Variants in DLC1 observed in about 807,000 individuals in gnomAD.
The protein encoded by DLC1 is DLC1 Rho GTPase activating protein, also known as rho GTPase-activating protein 7.
DLC1 carries 54 observed loss-of-function variants against 140.3 expected under a neutral mutation model. That is an observed-to-expected ratio of 0.38 (90% CI 0.31 to 0.48). DLC1 has a LOEUF of 0.48. DLC1 is among the 20% of genes least tolerant of loss of function. The probability of loss-of-function intolerance (pLI) is 0.96; values close to 1 mark genes in which losing one functional copy is unlikely to be tolerated. For synonymous variants in DLC1, 986 were observed against 728.1 expected (o/e 1.35, Z -5.70); for missense variants, 2,536 against 1,907.0 (o/e 1.33, Z -6.14).
At chr8:13,327,208 C>T (rs1031118291) in intron 4 of DLC1, among the ~76,000 whole-genome samples, 2 of 143,364 alleles carry the variant, frequency 1.4e-5, no homozygotes, top group African/African-American at 5.2e-5. Flanking sequence ...CTCCTGACCT[C>T]ATGATCCGCC....
At chr8:13,133,124 C>T in intron 5 of DLC1, 1 of 1,463,476 alleles carries the variant, frequency 6.8e-7, no homozygotes, top group Non-Finnish European at 9.0e-7. Context: ...GCTCCCTGCC[C>T]CTCGTCACGG....
chr8:13,375,825 G>A (rs142780045), intron 4 of DLC1, among the ~76,000 whole-genome samples: 140 of 152,228 alleles, frequency 9.2e-4, no homozygotes, highest in African/African-American at 3.2e-3. Flanking sequence ...AACTACAGAT[G>A]CCACTTTATG....
chr8:13,545,976 T>A (rs1194204865), intron 1 of DLC1, among the ~76,000 whole-genome samples: 1 of 152,152 alleles, frequency 6.6e-6, no homozygotes, highest in Non-Finnish European at 1.5e-5. Flanking sequence ...CCAAGCAGAA[T>A]AATTCACAAG....
At chr8:13,412,367 C>T (rs927435729) in intron 2 of DLC1, among the ~76,000 whole-genome samples, 21 of 152,024 alleles carry the variant, frequency 1.4e-4, no homozygotes, top group African/African-American at 5.1e-4. Flanking sequence ...TAAAGTAGAA[C>T]ACATTCTTCA....
At chr8:13,465,729 T>C (rs1410965556) in intron 2 of DLC1, among the ~76,000 whole-genome samples, 1 of 152,162 alleles carries the variant, frequency 6.6e-6, no homozygotes, top group Middle Eastern at 3.2e-3. Context: ...TTTTCTAAAT[T>C]TTAAGATATT....
intron 5 of DLC1, among the ~76,000 whole-genome samples, chr8:13,192,350 T>C (rs531397708): frequency 4.6e-5 from 7 of 152,280 alleles, no homozygotes; most frequent in Middle Eastern, 3.4e-3. Context: ...ATGACAAAAT[T>C]AGTAATACAA....
chr8:13,183,121 G>T (rs79450767), intron 5 of DLC1, among the ~76,000 whole-genome samples: 15,005 of 152,170 alleles, frequency 0.099, 812 homozygotes, highest in South Asian at 0.16. Flanking sequence ...CTCTCTGTCT[G>T]TTATTGGTGT....
intron 2 of DLC1, among the ~76,000 whole-genome samples, chr8:13,457,143 T>C (rs929951110): frequency 3.9e-5 from 6 of 152,182 alleles, no homozygotes; most frequent in African/African-American, 1.4e-4. Flanking sequence ...TGTCAGAATA[T>C]TGCGAACTTT....
At chr8:13,155,257 G>C (rs758995790) in intron 5 of DLC1, among the ~76,000 whole-genome samples, 5 of 151,224 alleles carry the variant, frequency 3.3e-5, no homozygotes, top group Non-Finnish European at 7.4e-5. Context: ...TTCTGTTGAT[G>C]GTCATTTATA....
intron 5 of DLC1, among the ~76,000 whole-genome samples, chr8:13,168,496 A>C (rs1387756230): frequency 6.6e-6 from 1 of 152,218 alleles, no homozygotes; most frequent in Non-Finnish European, 1.5e-5. Context: ...AATAAATGAG[A>C]CAAGTCCCAG....
chr8:13,152,428 A>C (rs538755516), intron 5 of DLC1, among the ~76,000 whole-genome samples: 1 of 152,212 alleles, frequency 6.6e-6, no homozygotes, highest in South Asian at 2.1e-4. Context: ...TATCTCAATA[A>C]AGCTTTAATT....
intron 1 of DLC1, among the ~76,000 whole-genome samples, chr8:13,577,373 T>A (rs1408836286): frequency 1.3e-5 from 2 of 152,136 alleles, no homozygotes; most frequent in Admixed American, 1.3e-4. Context: ...ACAGAACATG[T>A]TTTAGAGTAA....
chr8:13,219,047 TATACGAATATAATTAC>T (rs1828388293), intron 5 of DLC1, among the ~76,000 whole-genome samples: 2 of 125,536 alleles, frequency 1.6e-5, no homozygotes, highest in African/African-American at 6.2e-5. Flanking sequence ...AATATAATTA[TATACGAATATAATTAC>T]GTGAATATAA....
chr8:13,191,222 A>G (rs1826734093), intron 5 of DLC1, among the ~76,000 whole-genome samples: 1 of 152,154 alleles, frequency 6.6e-6, no homozygotes, highest in African/African-American at 2.4e-5. Flanking sequence ...TTAAACCCTT[A>G]TTGGCCAGGC....
chr8:13,250,153 T>C (rs1372919793), intron 5 of DLC1, among the ~76,000 whole-genome samples: 1 of 152,254 alleles, frequency 6.6e-6, no homozygotes, highest in Admixed American at 6.5e-5. Context: ...ACGTACTTGT[T>C]AAATAAATAT....
chr8:13,126,365 C>CCATACACACACACACA (rs1554579569), intron 5 of DLC1, among the ~76,000 whole-genome samples: 2 of 106,530 alleles, frequency 1.9e-5, no homozygotes, highest in Non-Finnish European at 3.6e-5. Flanking sequence ...ATCTCTCTAT[C>CCATACACACACACACA]CATACACACA....
intron 5 of DLC1, among the ~76,000 whole-genome samples, chr8:13,258,285 G>A (rs998281275): frequency 3.3e-5 from 5 of 152,114 alleles, no homozygotes; most frequent in East Asian, 1.9e-4. Flanking sequence ...AGGAAACTGC[G>A]GCTTTACTCT....
At chr8:13,354,033 C>A (rs1173359535) in intron 4 of DLC1, among the ~76,000 whole-genome samples, 4 of 92,164 alleles carry the variant, frequency 4.3e-5, no homozygotes, top group African/African-American at 1.3e-4. Flanking sequence ...GCCATCCAGA[C>A]ATACTGAACT....
In DLC1 at chr8:13,582,437, C is replaced by T. The variant is rs184937279; in HGVS notation, c.-126+22100G>A. ...GTGGACTGGGGAAGGCAGACCCAAA[C>T]TTAATCTGAATGGGCACCGTTTAAT... On this transcript the variant is annotated intron_variant, in intron 1 of 1. Transcript: ENST00000631382. Among the ~76,000 whole-genome samples the T allele has an allele frequency of 4.7e-3, 721 of 152,216 alleles. 2 individuals carry two copies. Among genetic ancestry groups the T allele is most frequent in the Non-Finnish European group, 7.3e-3 (498 of 68,006 alleles).
Sources: allele counts gnomAD v4.1 joint callset (sites outside exome capture counted in the v4.1 genomes callset), GRCh38; gene constraint gnomAD v4.1.1; transcripts MANE v1.5; gene names NCBI Gene and HGNC (gene_info 2026-07-23, HGNC 2026-07-21).